SPAG9: variants seen among roughly 807,000 people sequenced by gnomAD.
SPAG9 encodes the protein sperm associated antigen 9, also known as C-Jun-amino-terminal kinase-interacting protein 4.
Under a neutral mutation model 166.5 loss-of-function variants are expected in SPAG9, and 35 were observed. The ratio of observed to expected loss-of-function variants is 0.21; its 90% CI spans 0.16 to 0.28. The LOEUF (loss-of-function observed/expected upper bound fraction) is 0.28, where lower values mean the gene tolerates loss of function less well. SPAG9 is among the 10% of genes least tolerant of loss of function. The probability of loss-of-function intolerance (pLI) is 1.00; values close to 1 mark genes in which losing one functional copy is unlikely to be tolerated. For missense variants in SPAG9, 1,235 were observed against 1,603.3 expected, an observed-to-expected ratio of 0.77 and a Z score of 3.92; for synonymous variants, 534 against 565.5, an observed-to-expected ratio of 0.94 and a Z score of 0.79.
chr17:50,977,070 C>T, intron 27 of SPAG9, 38 bp downstream of exon 27: 1 of 1,234,092 alleles, frequency 8.1e-7, no homozygotes, highest in Non-Finnish European at 1.2e-6. Context: ...TATAATTCTC[C>T]TATTTGTTCC....
intron 2 of SPAG9, among the ~76,000 whole-genome samples, chr17:51,074,987 A>G (rs1366891047): frequency 6.6e-6 from 1 of 151,944 alleles, no homozygotes; most frequent in Non-Finnish European, 1.5e-5. Context: ...AACTGAGGTC[A>G]GGAGTTCAAG....
At chr17:51,083,231 C>CA (rs1260880275) in intron 1 of SPAG9, among the ~76,000 whole-genome samples, 1,714 of 141,880 alleles carry the variant, frequency 0.012, 44 homozygotes, top group African/African-American at 0.042. Context: ...TTTCTTTTTT[C>CA]TTTTTTTTTT....
Position 51,056,502 on chromosome 17 carries a change from A to G in SPAG9, c.425-20T>C. Reference sequence around the variant, plus strand: ...TGCTAACTGAAATTAAGATACATACACTTGATCAAAACAAAATAAGAAATT... The same window carrying G: ...TGCTAACTGAAATTAAGATACATACGCTTGATCAAAACAAAATAAGAAATT... On this transcript the variant is annotated intron_variant, in intron 2 of 29. Transcript: ENST00000262013. 6.8e-7 allele frequency: 1 copy of G among 1,475,000 alleles called. No homozygotes were observed. The highest frequency in any genetic ancestry group is 1.1e-5 in the South Asian group (1 of 87,758). The allele number at this position is 1,475,000 out of a possible 1,614,324, so 91.4% of individuals were successfully genotyped here. A position where few individuals can be genotyped will look rare whatever the true frequency, so the allele number is the denominator to read the frequency against.
At chr17:51,036,121 T>C (rs2144339260) in intron 5 of SPAG9, among the ~76,000 whole-genome samples, 1 of 152,246 alleles carries the variant, frequency 6.6e-6, no homozygotes, top group South Asian at 2.1e-4. Context: ...TTGTCTTCAA[T>C]TTTTCTCTCT....
Position 50,963,598 on chromosome 17 carries a change from A to C in SPAG9, c.*2674T>G, listed in dbSNP as rs2143498625. ...AGTTAAAGCCAGTAAGTTCAAAAAA[A>C]GCAATTACAACCATTTGACATGTTT... On this transcript the variant is annotated 3_prime_UTR_variant, in exon 30 of 30. Coordinates refer to ENST00000262013, the MANE Select transcript of SPAG9 (RefSeq NM_001130528.3). 1 of 152,356 alleles carries C rather than the reference A, an allele frequency of 6.6e-6. No homozygotes were observed. Among genetic ancestry groups the C allele is most frequent in the East Asian group, 1.9e-4 (1 of 5,192 alleles). The allele number at this position is 152,356 out of a possible 1,614,324, so 9.4% of individuals were successfully genotyped here. A position where few individuals can be genotyped will look rare whatever the true frequency, so the allele number is the denominator to read the frequency against.
At chr17:51,078,303 G>C (rs1467178397) in intron 2 of SPAG9, among the ~76,000 whole-genome samples, 2 of 152,064 alleles carry the variant, frequency 1.3e-5, no homozygotes, top group African/African-American at 4.8e-5. Flanking sequence ...AGTTCTCCTT[G>C]AATTCTAGAA....
At chr17:51,060,848 T>G (rs1344907023) in intron 2 of SPAG9, among the ~76,000 whole-genome samples, 4 of 128,522 alleles carry the variant, frequency 3.1e-5, no homozygotes, top group Non-Finnish European at 4.7e-5. Context: ...GTTTTTTTTG[T>G]TTTTTTTTTT....
intron 1 of SPAG9, among the ~76,000 whole-genome samples, chr17:51,103,370 T>C (rs567615643): frequency 6.6e-6 from 1 of 152,310 alleles, no homozygotes; most frequent in African/African-American, 2.4e-5. Context: ...ATATAAAATG[T>C]GCCCAAACCA....
At chr17:50,995,777 C>T (rs899956395) in intron 16 of SPAG9, 8 of 395,398 alleles carry the variant, frequency 2.0e-5, no homozygotes, top group Non-Finnish European at 3.6e-5. Flanking sequence ...TCCCCTCCCA[C>T]CTCAGCCTCC....
At chr17:51,013,883 TACACACACACATACACATAC>T (rs1169783329) in intron 9 of SPAG9, among the ~76,000 whole-genome samples, 2 of 114,450 alleles carry the variant, frequency 1.7e-5, no homozygotes, top group Non-Finnish European at 1.8e-5. Flanking sequence ...CATCAATCCA[TACACACACACATACACATAC>T]ACACACACAC....
At chr17:51,084,742 CG>C (rs1165274973) in intron 1 of SPAG9, among the ~76,000 whole-genome samples, 1 of 151,628 alleles carries the variant, frequency 6.6e-6, no homozygotes, top group Non-Finnish European at 1.5e-5. Context: ...TCTTGTGTTA[CG>C]GATAAAATGC....
At chr17:51,089,432 CA>C (rs1001638797) in intron 1 of SPAG9, among the ~76,000 whole-genome samples, 5 of 149,898 alleles carry the variant, frequency 3.3e-5, no homozygotes, top group Admixed American at 6.7e-5. Context: ...CTCAAAAAAA[CA>C]AAAAAACAAA....
intron 1 of SPAG9, among the ~76,000 whole-genome samples, chr17:51,119,499 G>A (rs1165633383): frequency 6.6e-6 from 1 of 152,142 alleles, no homozygotes; most frequent in Non-Finnish European, 1.5e-5. Context: ...ACTCCAAAAG[G>A]TTCACAGAGT....
intron 17 of SPAG9, 103 bp from the exon 18 acceptor site, chr17:50,995,327 ATAT>A: frequency 7.6e-7 from 1 of 1,310,018 alleles, no homozygotes. Flanking sequence ...TTATAACCTA[ATAT>A]TATAAAATGA....
chr17:51,078,223 C>A (rs1289522726), intron 2 of SPAG9, among the ~76,000 whole-genome samples: 1 of 152,214 alleles, frequency 6.6e-6, no homozygotes, highest in African/African-American at 2.4e-5. Flanking sequence ...CATTTTCTCT[C>A]GCTCAAGTTG....
intron 13 of SPAG9, 95 bp from the exon 14 acceptor site, chr17:50,999,812 A>G: frequency 1.0e-6 from 1 of 964,198 alleles, no homozygotes; most frequent in East Asian, 2.5e-5. Context: ...CATGGGATAC[A>G]CAGAGGGGAG....
intron 1 of SPAG9, among the ~76,000 whole-genome samples, chr17:51,109,689 G>A (rs2049051590): frequency 6.6e-6 from 1 of 151,992 alleles, no homozygotes; most frequent in Non-Finnish European, 1.5e-5. Flanking sequence ...ATTAATATTA[G>A]ATGATATTAC....
intron 1 of SPAG9, among the ~76,000 whole-genome samples, chr17:51,119,107 A>G (rs1249266091): frequency 2.0e-5 from 3 of 151,974 alleles, no homozygotes; most frequent in Non-Finnish European, 4.4e-5. Context: ...TGGATCCCAC[A>G]ATCAGAACTA....
chr17:51,028,795 T>C (rs2046284761), intron 6 of SPAG9, among the ~76,000 whole-genome samples: 1 of 152,254 alleles, frequency 6.6e-6, no homozygotes, highest in Non-Finnish European at 1.5e-5. Context: ...GGGAGTTGCA[T>C]GCTGTCATTT....
Sources: allele counts gnomAD v4.1 joint callset (sites outside exome capture counted in the v4.1 genomes callset), GRCh38; gene constraint gnomAD v4.1.1; transcripts MANE v1.5; gene names NCBI Gene and HGNC (gene_info 2026-07-23, HGNC 2026-07-21).